The following PCDHA9 variants were observed in gnomAD, a reference collection of about 807,000 sequenced individuals.
The protein encoded by PCDHA9 is protocadherin alpha-9.
In PCDHA9, 62 loss-of-function variants were observed where a neutral mutation model predicts 62.0. That is an observed-to-expected ratio of 1.00 (90% CI 0.81 to 1.23). The LOEUF is 1.23. PCDHA9 is among the 50% of genes most tolerant of loss of function. The pLI, the probability that PCDHA9 is intolerant of heterozygous loss-of-function variation, is 0.00. For synonymous variants in PCDHA9, 557 were observed against 567.6 expected (o/e 0.98, Z 0.27); for missense variants, 1,205 against 1,249.8 (o/e 0.96, Z 0.54).
chr5:140,883,946 G>C lies in PCDHA9; in HGVS notation c.2394+33057G>C, dbSNP rs139225969. ...GCAGGTGTTCGTGCTGGACGAGAACGACAACGCTCCGGCGCTGCTGACGCC... is the reference window on the plus strand; with the variant it reads ...GCAGGTGTTCGTGCTGGACGAGAACCACAACGCTCCGGCGCTGCTGACGCC... On this transcript the variant is annotated intron_variant, in intron 1 of 3. Coordinates refer to ENST00000532602, the MANE Select transcript of PCDHA9 (RefSeq NM_031857.2). The C allele has an allele frequency of 4.8e-5, 77 of 1,613,392 alleles. No individual in the cohort carries two copies. In the African/African-American group the frequency reaches 8.8e-4, roughly 18 times the overall value.
intron 3 of PCDHA9, among the ~76,000 whole-genome samples, chr5:141,006,294 C>T (rs2098266534): frequency 6.6e-6 from 1 of 152,048 alleles, no homozygotes; most frequent in African/African-American, 2.4e-5. Flanking sequence ...TCACTGCAAG[C>T]TCCACTTCCC....
At position 140,929,057 on chromosome 5, in the gene PCDHA9, C is replaced by G. The variant is rs17844370; in HGVS notation, c.2395-49892C>G. The stretch of plus-strand genomic sequence containing the variant: ...TGCGCTCAGAGCTGCTGTCGCTCTA[C>G]AGAGGATCTGAGGTATGGAAGTAAG... On this transcript the variant is annotated intron_variant, in intron 1 of 3. Coordinates refer to ENST00000532602, the MANE Select transcript of PCDHA9 (RefSeq NM_031857.2). 3 of 1,614,070 alleles carry G rather than the reference C, an allele frequency of 1.9e-6. No individual in the cohort carries two copies. The African/African-American group carries it at 4.0e-5, about 22-fold the overall frequency.
Position 140,849,718 on chromosome 5 carries a change from T to C in PCDHA9, c.1223T>C (p.Val408Ala), listed in dbSNP as rs2150446533. The C allele has an allele frequency of 2.5e-6, 4 of 1,598,570 alleles. 1 individual carries two copies. Among genetic ancestry groups the C allele is most frequent in the Non-Finnish European group, 3.4e-6 (4 of 1,168,006 alleles). Residue 408 changes from valine to alanine, a missense_variant, in exon 1 of 4, where the codon GTG becomes GCG. Physicochemically the swap from Val to Ala is moderately conservative, Grantham distance 64. Coordinates refer to ENST00000532602, the MANE Select transcript of PCDHA9 (RefSeq NM_031857.2). ...VSTYKNYYSLVLDRALDRESV... is the reference protein window; with the variant it reads ...VSTYKNYYSLALDRALDRESV... Reference sequence around the variant, plus strand: ...ACCTACAAGAATTACTACTCGTTGGTGCTGGACAGAGCTCTGGACCGCGAG... The same window carrying C: ...ACCTACAAGAATTACTACTCGTTGGCGCTGGACAGAGCTCTGGACCGCGAG...
chr5:140,851,970 CTACCTT>C, intron 1 of PCDHA9: 3 of 977,062 alleles, frequency 3.1e-6, no homozygotes, highest in Non-Finnish European at 2.5e-6. Context: ...TTTCCACACT[CTACCTT>C]TAGTGCAAGC....
intron 1 of PCDHA9, among the ~76,000 whole-genome samples, chr5:140,978,150 C>A (rs1009630892): frequency 6.6e-6 from 1 of 152,168 alleles, no homozygotes; most frequent in Non-Finnish European, 1.5e-5. Context: ...TTGTTCTCCC[C>A]CTTCAGACTG....
chr5:140,948,464 G>A (rs1357759863), intron 1 of PCDHA9, among the ~76,000 whole-genome samples: 1 of 151,508 alleles, frequency 6.6e-6, no homozygotes, highest in Non-Finnish European at 1.5e-5. Flanking sequence ...TTTAGGGAAA[G>A]TTTCTGATAA....
At chr5:140,916,527 C>T (rs2077599616) in intron 1 of PCDHA9, among the ~76,000 whole-genome samples, 1 of 152,162 alleles carries the variant, frequency 6.6e-6, no homozygotes, top group Non-Finnish European at 1.5e-5. Context: ...CTGGGTCCTT[C>T]CCACCAAGGC....
chr5:140,884,204 C>A (rs1410511984), intron 1 of PCDHA9: 1 of 1,613,382 alleles, frequency 6.2e-7, no homozygotes, highest in Non-Finnish European at 8.5e-7. Flanking sequence ...GCCGCACCAC[C>A]GCCTTCTGGT....
At chr5:140,851,427 T>C in intron 1 of PCDHA9, 2 of 945,324 alleles carry the variant, frequency 2.1e-6, no homozygotes, top group Non-Finnish European at 2.6e-6. Flanking sequence ...CCCTAAACTT[T>C]AGAAAACAGT....
chr5:140,928,852 G>T, intron 1 of PCDHA9: 1 of 1,614,172 alleles, frequency 6.2e-7, no homozygotes, highest in Non-Finnish European at 8.5e-7. Flanking sequence ...CACTCTGGGT[G>T]TGCTGTTGAG....
intron 1 of PCDHA9, chr5:140,862,291 C>A (rs1029513176): frequency 7.5e-6 from 2 of 265,238 alleles, no homozygotes; most frequent in Admixed American, 4.8e-5. Flanking sequence ...TACAGGAGGA[C>A]GCTCCACTGG....
intron 1 of PCDHA9, among the ~76,000 whole-genome samples, chr5:140,924,406 C>T (rs1353288147): frequency 6.6e-6 from 1 of 152,132 alleles, no homozygotes; most frequent in Non-Finnish European, 1.5e-5. Context: ...CCTTATATCA[C>T]AGTGTGCCCT....
chr5:140,930,594 A>G (rs1554207944), intron 1 of PCDHA9: 2 of 152,716 alleles, frequency 1.3e-5, no homozygotes, highest in East Asian at 3.9e-4. Flanking sequence ...GACTTCTCAT[A>G]GAAATCCTAG....
chr5:140,898,671 G>A lies in PCDHA9; in HGVS notation c.2394+47782G>A, dbSNP rs1419362877. 2.2e-4 allele frequency among the ~76,000 whole-genome samples: 33 copies of A among 152,200 alleles called. No homozygotes were observed. The East Asian group carries it at 2.3e-3, about 11-fold the overall frequency. On this transcript the variant is annotated intron_variant, in intron 1 of 3. Transcript: ENST00000532602. ...TGGCTTAGGATTGACTTGGTGTTGCGGGCTGTTTTTTGGTTCCATATGAAC... is the reference window on the plus strand; with the variant it reads ...TGGCTTAGGATTGACTTGGTGTTGCAGGCTGTTTTTTGGTTCCATATGAAC...
At chr5:140,869,453 T>C in intron 1 of PCDHA9, 1 of 1,614,214 alleles carries the variant, frequency 6.2e-7, no homozygotes, top group Non-Finnish European at 8.5e-7. Flanking sequence ...CTGCAGGTTT[T>C]CCATGTGAAC....
At chr5:140,906,502 C>G (rs182726471) in intron 1 of PCDHA9, among the ~76,000 whole-genome samples, 2 of 152,298 alleles carry the variant, frequency 1.3e-5, no homozygotes, top group African/African-American at 4.8e-5. Context: ...ATGTTTTTAA[C>G]AAAGAAGGAG....
chr5:140,930,859 G>GAT lies in PCDHA9; in HGVS notation c.2395-48089_2395-48088dup, dbSNP rs1554208143. On this transcript the variant is annotated intron_variant, in intron 1 of 3. Transcript: ENST00000532602. ...AATAAATATGTGCATATATGAATTG[G>GAT]ATGGTAACACTGTTCAACACAGAGG... Among the ~76,000 whole-genome samples, 803 of 152,288 alleles carry GAT rather than the reference G, an allele frequency of 5.3e-3. 3 individuals are homozygous for GAT. Among genetic ancestry groups the GAT allele is most frequent in the Non-Finnish European group, 8.4e-3 (568 of 68,020 alleles).
rs2041307506 is a variant in PCDHA9 at position 140,850,030 on chromosome 5, C to A, written c.1535C>A (p.Ala512Glu). 3.8e-6 allele frequency: 6 copies of A among 1,596,712 alleles called. 2 individuals carry two copies. The highest frequency in any genetic ancestry group is 5.1e-6 in the Non-Finnish European group (6 of 1,167,808). Residue 512 changes from alanine (A) to glutamate (E), a missense_variant, in exon 1 of 4, where the codon GCG becomes GAG. Ala to Glu is a moderately radical substitution (Grantham distance 107). Around this residue, in one of 3 missense-constraint regions of PCDHA9, gnomAD observed 887 missense variants for 809.5 expected, o/e 1.10. Coordinates refer to ENST00000532602, the MANE Select transcript of PCDHA9 (RefSeq NM_031857.2). ...CTGTCGAGCTACGTGTCAGTGCACG[C>A]GGAGAGCGGCAAGGTGTACGCGCTG... ...RSLSSYVSVH[A>E]ESGKVYALQP...
At chr5:140,894,365 A>G (rs1375287003) in intron 1 of PCDHA9, among the ~76,000 whole-genome samples, 4 of 151,966 alleles carry the variant, frequency 2.6e-5, no homozygotes, top group African/African-American at 7.2e-5. Context: ...TTCTTCTTCA[A>G]TGGCTCCAAT....
Sources: gnomAD v4.1 joint callset for allele counts (sites outside exome capture counted in the v4.1 genomes callset) on GRCh38, gnomAD v4.1.1 for gene constraint, gnomAD v4.1.1 regional missense constraint, MANE v1.5 for transcripts, NCBI Gene and HGNC (gene_info 2026-07-23, HGNC 2026-07-21) for gene names.